Variants in STK3 observed in about 807,000 individuals in gnomAD.
STK3 encodes serine/threonine kinase 3.
STK3 carries 41 observed loss-of-function variants against 58.0 expected under a neutral mutation model. The observed-to-expected ratio is 0.71, with a 90% CI of 0.55 to 0.92. The LOEUF is 0.92. Among genes scored for constraint, STK3 ranks in the 40% least tolerant of loss-of-function variants. STK3 has a pLI of 0.00. For synonymous variants in STK3, 170 were observed against 191.0 expected, an observed-to-expected ratio of 0.89 and a Z score of 0.91; for missense variants, 479 against 602.7, an observed-to-expected ratio of 0.79 and a Z score of 2.15.
intron 3 of STK3, among the ~76,000 whole-genome samples, chr8:98,837,246 A>G (rs1365644182): frequency 6.6e-6 from 1 of 152,064 alleles, no homozygotes; most frequent in Non-Finnish European, 1.5e-5. Context: ...GAAGATATAG[A>G]GTATATATTC....
intron 1 of STK3, among the ~76,000 whole-genome samples, chr8:98,441,189 C>T (rs1299578029): frequency 2.6e-5 from 4 of 152,188 alleles, no homozygotes; most frequent in African/African-American, 9.7e-5. Flanking sequence ...AAACTCAGTC[C>T]CTGCTCCAGA....
chr8:98,743,212 C>T (rs978465494), intron 4 of STK3, among the ~76,000 whole-genome samples: 4 of 147,216 alleles, frequency 2.7e-5, no homozygotes, highest in African/African-American at 1.0e-4. Flanking sequence ...ACTTTCTTCA[C>T]AGAATTGGAC....
chr8:98,654,533 G>T (rs1055295283), intron 6 of STK3, among the ~76,000 whole-genome samples: 1 of 152,150 alleles, frequency 6.6e-6, no homozygotes, highest in African/African-American at 2.4e-5. Flanking sequence ...AGGAAAAGAG[G>T]AAGGCAAATT....
Position 98,773,819 on chromosome 8 carries a change from G to A in STK3, c.107+920C>T, listed in dbSNP as rs527930879. Among the ~76,000 whole-genome samples the A allele has an allele frequency of 6.3e-4, 94 of 149,774 alleles. 1 individual carries two copies. Among genetic ancestry groups the A allele is most frequent in the African/African-American group, 1.8e-3 (74 of 40,564 alleles). On this transcript the variant is annotated intron_variant, in intron 2 of 10. Coordinates refer to ENST00000419617, the MANE Select transcript of STK3 (RefSeq NM_006281.4). ...TATTTATTTATTTATTTTTTGAGACGGAGCTTCGCTTGTGTTGTCCAGGCT... is the reference window on the plus strand; with the variant it reads ...TATTTATTTATTTATTTTTTGAGACAGAGCTTCGCTTGTGTTGTCCAGGCT...
At chr8:98,565,978 A>G (rs756957244) in intron 8 of STK3, among the ~76,000 whole-genome samples, 19 of 152,208 alleles carry the variant, frequency 1.2e-4, no homozygotes, top group Non-Finnish European at 4.4e-5. Flanking sequence ...CAACACTTAA[A>G]CTAACACAAA....
rs548976387 is a variant in STK3, at chr8:98,680,260, A to T, written c.684+26207T>A. Among the ~76,000 whole-genome samples, 7 of 152,276 alleles carry T rather than the reference A, an allele frequency of 4.6e-5. No individual in the cohort carries two copies. The South Asian group carries it at 1.4e-3, about 32-fold the overall frequency. ...ACTGTGAAAAAATGGAGGCAATCAG[A>T]AGAAATACAGTCCATGGTGGCAGTG... On this transcript the variant is annotated intron_variant, in intron 6 of 10. Coordinates refer to ENST00000419617, the MANE Select transcript of STK3 (RefSeq NM_006281.4).
chr8:98,760,067 C>G (rs1370280636), intron 3 of STK3, among the ~76,000 whole-genome samples: 1 of 151,562 alleles, frequency 6.6e-6, no homozygotes, highest in Non-Finnish European at 1.5e-5. Flanking sequence ...CCAATATTTC[C>G]AACATGCAGT....
chr8:98,822,608 T>A (rs1357992695), intron 1 of STK3, among the ~76,000 whole-genome samples: 2 of 152,162 alleles, frequency 1.3e-5, no homozygotes, highest in Non-Finnish European at 2.9e-5. Context: ...ACATACTTGA[T>A]GAGGTAGGCT....
chr8:98,679,099 A>C (rs900869979), intron 6 of STK3, among the ~76,000 whole-genome samples: 1 of 152,172 alleles, frequency 6.6e-6, no homozygotes, highest in Non-Finnish European at 1.5e-5. Context: ...TCTTCAAGAG[A>C]AGTCACCGTC....
At chr8:98,940,056 G>T (rs1171769873) in intron 1 of STK3, among the ~76,000 whole-genome samples, 1 of 152,260 alleles carries the variant, frequency 6.6e-6, no homozygotes, top group East Asian at 1.9e-4. Flanking sequence ...AACTGCAGGA[G>T]ATCCCCTTCC....
intron 6 of STK3, among the ~76,000 whole-genome samples, chr8:98,677,740 T>C (rs1022648544): frequency 2.0e-5 from 3 of 152,226 alleles, no homozygotes; most frequent in African/African-American, 7.2e-5. Context: ...ATATGGGTAC[T>C]TGTCATTCTG....
intron 10 of STK3, among the ~76,000 whole-genome samples, chr8:98,500,104 A>G (rs1307262629): frequency 6.6e-6 from 1 of 152,172 alleles, no homozygotes; most frequent in Non-Finnish European, 1.5e-5. Context: ...TGGGCCCTCA[A>G]TACAGTCACA....
intron 6 of STK3, among the ~76,000 whole-genome samples, chr8:98,632,384 G>C (rs1393151507): frequency 6.6e-6 from 1 of 152,126 alleles, no homozygotes; most frequent in African/African-American, 2.4e-5. Flanking sequence ...TAAGCACAGA[G>C]AATAAGACTA....
chr8:98,443,823 TGTA>T (rs1292249119), intron 1 of STK3, among the ~76,000 whole-genome samples: 2 of 152,152 alleles, frequency 1.3e-5, no homozygotes, highest in African/African-American at 4.8e-5. Context: ...ATATTTCAAA[TGTA>T]GTTTTAAAGT....
chr8:98,695,978 G>T (rs1462307454), intron 6 of STK3, among the ~76,000 whole-genome samples: 1 of 151,964 alleles, frequency 6.6e-6, no homozygotes, highest in African/African-American at 2.4e-5. Context: ...TCACGATATT[G>T]ATTCTTCCTA....
At chr8:98,389,944 T>C (rs1434061510), upstream of STK3, among the ~76,000 whole-genome samples, 3 of 151,978 alleles carry the variant, frequency 2.0e-5, no homozygotes, top group Non-Finnish European at 2.9e-5. Flanking sequence ...GGGATGTGAT[T>C]TGACATGATC....
chr8:98,565,805 C>A (rs184855207), intron 8 of STK3, among the ~76,000 whole-genome samples: 129 of 152,194 alleles, frequency 8.5e-4, no homozygotes, highest in African/African-American at 3.0e-3. Context: ...TAAATATGAA[C>A]AAACAGATAT....
At position 98,822,636 on chromosome 8, in the gene STK3, CAT is replaced by C. The variant is rs558700484; in HGVS notation, c.26+2877_26+2878del. 1.9e-3 allele frequency among the ~76,000 whole-genome samples: 288 copies of C among 152,226 alleles called. 1 individual carries two copies. Among genetic ancestry groups the C allele is most frequent in the Non-Finnish European group, 3.1e-3 (210 of 68,008 alleles). The stretch of plus-strand genomic sequence containing the variant: ...GGTAGGCTTTGATGGAAGAATAAAA[CAT>C]AGATTATTCTTCAGGCAAAAAGTAA... On this transcript the variant is annotated intron_variant, in intron 1 of 10. Coordinates refer to ENST00000419617, the MANE Select transcript of STK3 (RefSeq NM_006281.4).
At chr8:98,557,610 G>A (rs768927820) in intron 8 of STK3, among the ~76,000 whole-genome samples, 6 of 151,994 alleles carry the variant, frequency 3.9e-5, no homozygotes, top group East Asian at 1.9e-4. Context: ...AATGTCTGAC[G>A]GGCTGAAAAA....
Sources: allele counts gnomAD v4.1 joint callset (sites outside exome capture counted in the v4.1 genomes callset), GRCh38; gene constraint gnomAD v4.1.1; transcripts MANE v1.5; gene names NCBI Gene and HGNC (gene_info 2026-07-23, HGNC 2026-07-21).